The following RNLS variants were observed in gnomAD, a reference collection of about 807,000 sequenced individuals.
RNLS encodes the protein renalase.
A neutral mutation model predicts 39.8 loss-of-function variants in RNLS; 39 were observed. The ratio of observed to expected loss-of-function variants is 0.98; its 90% CI spans 0.76 to 1.28. The LOEUF (loss-of-function observed/expected upper bound fraction) is 1.28. RNLS is among the 50% of genes most tolerant of loss of function. RNLS has a pLI of 0.00. For synonymous variants in RNLS, 147 were observed against 150.7 expected (o/e 0.98, Z 0.18); for missense variants, 410 against 413.3 (o/e 0.99, Z 0.07).
intron 4 of RNLS, among the ~76,000 whole-genome samples, chr10:88,541,626 TTA>T (rs1564884872): frequency 6.6e-6 from 1 of 152,192 alleles, no homozygotes; most frequent in Non-Finnish European, 1.5e-5. Flanking sequence ...GGTGAAAAGA[TTA>T]TGTTTTCAAA....
chr10:88,275,035 G>A (rs1842760768), intron 6 of RNLS: 1 of 1,611,430 alleles, frequency 6.2e-7, no homozygotes, highest in Non-Finnish European at 8.5e-7. Context: ...CTTGGTACCT[G>A]AAAATCAAAG....
the RNLS span, among the ~76,000 whole-genome samples, chr10:88,208,792 G>C: frequency 4.6e-5 from 7 of 152,104 alleles, no homozygotes; most frequent in African/African-American, 1.7e-4. Flanking sequence ...GGGTAACTCA[G>C]CTTGAATCTG....
At chr10:88,201,477 C>G in the RNLS span, among the ~76,000 whole-genome samples, 1 of 152,100 alleles carries the variant, frequency 6.6e-6, no homozygotes, top group Non-Finnish European at 1.5e-5. Flanking sequence ...GGCTGTTGTG[C>G]TGTGAGAGGC....
chr10:88,359,674 T>C (rs1340343641), intron 5 of RNLS, among the ~76,000 whole-genome samples: 2 of 152,374 alleles, frequency 1.3e-5, no homozygotes, highest in East Asian at 3.9e-4. Flanking sequence ...CAATATTGTA[T>C]GATTGCTGAT....
At chr10:88,549,714 C>T (rs993376974) in intron 4 of RNLS, among the ~76,000 whole-genome samples, 5 of 152,182 alleles carry the variant, frequency 3.3e-5, no homozygotes, top group African/African-American at 1.2e-4. Flanking sequence ...AGTTAATTTA[C>T]ACTATCAGCA....
chr10:88,204,582 T>C, the RNLS span, among the ~76,000 whole-genome samples: 2 of 152,274 alleles, frequency 1.3e-5, no homozygotes, highest in Non-Finnish European at 2.9e-5. Flanking sequence ...TATTGAGCAC[T>C]TATCATGTGC....
chr10:88,299,352 G>T (rs550284087), intron 6 of RNLS, among the ~76,000 whole-genome samples: 1 of 152,150 alleles, frequency 6.6e-6, no homozygotes, highest in Non-Finnish European at 1.5e-5. Context: ...CCAGGCATGG[G>T]TGGTTCACGC....
intron 3 of RNLS, among the ~76,000 whole-genome samples, chr10:88,580,766 G>A (rs886215855): frequency 6.6e-6 from 1 of 152,110 alleles, no homozygotes; most frequent in Non-Finnish European, 1.5e-5. Context: ...TGTAATTAAA[G>A]AAATGCAAAT....
At chr10:88,184,666 A>G in the RNLS span, among the ~76,000 whole-genome samples, 2 of 152,174 alleles carry the variant, frequency 1.3e-5, no homozygotes, top group East Asian at 1.9e-4. Flanking sequence ...CACCTGAGCA[A>G]CAGTCCAAGA....
At chr10:88,347,590 CTTAAT>C (rs1313879272) in intron 5 of RNLS, among the ~76,000 whole-genome samples, 2 of 152,020 alleles carry the variant, frequency 1.3e-5, no homozygotes, top group Non-Finnish European at 2.9e-5. Flanking sequence ...TCTGGGCTAT[CTTAAT>C]TTAAACACCA....
intron 4 of RNLS, among the ~76,000 whole-genome samples, chr10:88,376,886 T>C (rs1226444932): frequency 6.6e-6 from 1 of 152,194 alleles, no homozygotes; most frequent in Non-Finnish European, 1.5e-5. Context: ...CATTTTATTT[T>C]TGGAAAAGGA....
At chr10:88,569,357 G>A (rs573464343) in intron 4 of RNLS, among the ~76,000 whole-genome samples, 10 of 151,812 alleles carry the variant, frequency 6.6e-5, no homozygotes, top group East Asian at 3.9e-4. Flanking sequence ...GTGAGAAATC[G>A]GAAGTTCTCT....
At chr10:88,239,950 A>G in the RNLS span, among the ~76,000 whole-genome samples, 1 of 152,202 alleles carries the variant, frequency 6.6e-6, no homozygotes, top group African/African-American at 2.4e-5. Flanking sequence ...CCAAAATATT[A>G]TATTTTGTTA....
At chr10:88,214,100 T>C in the RNLS span, among the ~76,000 whole-genome samples, 1 of 152,136 alleles carries the variant, frequency 6.6e-6, no homozygotes, top group African/African-American at 2.4e-5. Flanking sequence ...TCATGGGCAG[T>C]AGTTGTAGTA....
intron 5 of RNLS, among the ~76,000 whole-genome samples, chr10:88,328,198 G>A (rs183482040): frequency 1.7e-4 from 26 of 152,310 alleles, no homozygotes; most frequent in Admixed American, 3.9e-4. Flanking sequence ...AGAAGCCACC[G>A]TGCCTGGCCT....
intron 4 of RNLS, among the ~76,000 whole-genome samples, chr10:88,566,036 C>A (rs1260653117): frequency 6.6e-6 from 1 of 151,572 alleles, no homozygotes; most frequent in East Asian, 1.9e-4. Flanking sequence ...CAGAAGCCAC[C>A]GCGCCCGGCC....
intron 4 of RNLS, among the ~76,000 whole-genome samples, chr10:88,475,125 CAG>C (rs1234544179): frequency 6.6e-6 from 1 of 152,108 alleles, no homozygotes; most frequent in Non-Finnish European, 1.5e-5. Context: ...CTTGGGCACA[CAG>C]GGCGACAGGG....
At chr10:88,533,306 T>C (rs759311457) in intron 4 of RNLS, among the ~76,000 whole-genome samples, 4 of 151,902 alleles carry the variant, frequency 2.6e-5, no homozygotes, top group African/African-American at 7.3e-5. Context: ...TGGCTGAGGA[T>C]AGAATAAAAG....
At chr10:88,477,913 G>C (rs1376538682) in intron 4 of RNLS, among the ~76,000 whole-genome samples, 2 of 152,178 alleles carry the variant, frequency 1.3e-5, no homozygotes, top group Non-Finnish European at 2.9e-5. Context: ...TGCAATACTA[G>C]CTGGAGGTTC....
Sources: gnomAD v4.1 joint callset for allele counts (sites outside exome capture counted in the v4.1 genomes callset) on GRCh38, gnomAD v4.1.1 for gene constraint, MANE v1.5 for transcripts, NCBI Gene and HGNC (gene_info 2026-07-23, HGNC 2026-07-21) for gene names.